CPNE8: variants seen among roughly 807,000 people sequenced by gnomAD.
The protein encoded by CPNE8 is copine 8.
Under a neutral mutation model 81.5 loss-of-function variants are expected in CPNE8, and 45 were observed. The ratio of observed to expected loss-of-function variants is 0.55; its 90% CI spans 0.44 to 0.71. The LOEUF (loss-of-function observed/expected upper bound fraction) is 0.71. CPNE8 is among the 30% of genes least tolerant of loss of function. CPNE8 has a pLI of 0.00. For synonymous variants in CPNE8, 252 were observed against 226.3 expected (o/e 1.11, Z -1.02); for missense variants, 594 against 672.1 (o/e 0.88, Z 1.28).
intron 19 of CPNE8, among the ~76,000 whole-genome samples, chr12:38,665,494 A>G (rs1939042765): frequency 6.6e-6 from 1 of 152,174 alleles, no homozygotes; most frequent in Non-Finnish European, 1.5e-5. Context: ...TGCTTTACCT[A>G]TTCGTAAAAA....
chr12:38,767,376 T>G (rs1365566110), intron 8 of CPNE8, among the ~76,000 whole-genome samples: 1 of 152,100 alleles, frequency 6.6e-6, no homozygotes, highest in Admixed American at 6.5e-5. Flanking sequence ...TCTAAACTAT[T>G]AACTCAATGT....
intron 19 of CPNE8, among the ~76,000 whole-genome samples, chr12:38,659,418 C>T (rs534097854): frequency 1.3e-4 from 20 of 152,218 alleles, no homozygotes; most frequent in African/African-American, 4.1e-4. Context: ...TAGAGACCTA[C>T]GAAGAGACTT....
chr12:38,796,243 T>C lies in CPNE8; in HGVS notation c.408-19942A>G, dbSNP rs567366272. The stretch of plus-strand genomic sequence containing the variant: ...CAGGAGTTGCAGTGAGCCAAGATCG[T>C]GCTACTGCACTCCAGCCTGGGAGAG... On this transcript the variant is annotated intron_variant, in intron 6 of 19. Coordinates refer to ENST00000331366, the MANE Select transcript of CPNE8 (RefSeq NM_153634.3). Among the ~76,000 whole-genome samples the C allele has an allele frequency of 6.6e-5, 10 of 152,086 alleles. No homozygotes were observed. The South Asian group carries it at 1.7e-3, about 25-fold the overall frequency.
At chr12:38,905,824 T>A (rs935417095), upstream of CPNE8, 1 of 985,066 alleles carries the variant, frequency 1.0e-6, no homozygotes, top group Non-Finnish European at 1.2e-6. Flanking sequence ...GGGGACACAC[T>A]CCGTGATCCC....
At chr12:38,845,000 T>C (rs553299861) in intron 4 of CPNE8, among the ~76,000 whole-genome samples, 1 of 152,120 alleles carries the variant, frequency 6.6e-6, no homozygotes, top group South Asian at 2.1e-4. Flanking sequence ...AGGTCATTTT[T>C]GTCACACCCA....
intron 16 of CPNE8, among the ~76,000 whole-genome samples, chr12:38,678,045 A>G (rs1437075985): frequency 6.6e-6 from 1 of 152,118 alleles, no homozygotes; most frequent in African/African-American, 2.4e-5. Context: ...AGCAATAATC[A>G]TAAGTGCTTT....
At chr12:38,742,923 AGTTT>A (rs1259814543) in intron 10 of CPNE8, among the ~76,000 whole-genome samples, 2 of 151,880 alleles carry the variant, frequency 1.3e-5, no homozygotes, top group Non-Finnish European at 2.9e-5. Context: ...TGTTTATAAT[AGTTT>A]ATTTCATGTG....
intron 6 of CPNE8, among the ~76,000 whole-genome samples, chr12:38,811,946 A>G (rs1942945386): frequency 6.6e-6 from 1 of 152,216 alleles, no homozygotes. Context: ...TTGAAGAAAT[A>G]TGGTCCCTAG....
rs1256987178 is a variant in CPNE8, at chr12:38,670,913, A to G, written c.1433-111T>C. Reference sequence around the variant, plus strand: ...AAGTAGCAAAATGTGCTATGAAAAGACAGAAAGCATGTTGATCCCTTCATG... The same window carrying G: ...AAGTAGCAAAATGTGCTATGAAAAGGCAGAAAGCATGTTGATCCCTTCATG... On this transcript the variant is annotated intron_variant, in intron 18 of 19. Coordinates refer to ENST00000331366, the MANE Select transcript of CPNE8 (RefSeq NM_153634.3). 1.7e-5 allele frequency: 12 copies of G among 691,286 alleles called. No homozygotes were observed. In the Admixed American group the frequency reaches 3.3e-4, roughly 19 times the overall value. 42.8% of individuals were successfully genotyped at this position (691,286 alleles called of 1,614,324 possible).
At chr12:38,876,414 T>C (rs1248538354) in intron 1 of CPNE8, among the ~76,000 whole-genome samples, 1 of 152,102 alleles carries the variant, frequency 6.6e-6, no homozygotes, top group African/African-American at 2.4e-5. Context: ...GGTTTCTCCA[T>C]GTTGGTCAGG....
intron 5 of CPNE8, among the ~76,000 whole-genome samples, chr12:38,829,852 C>T (rs1943256138): frequency 6.6e-6 from 1 of 152,152 alleles, no homozygotes; most frequent in African/African-American, 2.4e-5. Context: ...ATCCCAGTAA[C>T]ACTTAGAGAA....
chr12:38,695,138 C>T lies in CPNE8; in HGVS notation c.962-1300G>A, dbSNP rs113077693. On this transcript the variant is annotated intron_variant, in intron 14 of 19. Transcript: ENST00000331366. Reference sequence around the variant, plus strand: ...TTCCTTCCTGACTATAAGACCCTGACCGCTCTTTTCTTACAGCTCTCACTT... The same window carrying T: ...TTCCTTCCTGACTATAAGACCCTGATCGCTCTTTTCTTACAGCTCTCACTT... Among the ~76,000 whole-genome samples, 135 of 152,286 alleles carry T rather than the reference C, an allele frequency of 8.9e-4. 1 individual carries two copies. The highest frequency in any genetic ancestry group is 2.7e-3 in the African/African-American group (111 of 41,554).
chr12:38,679,905 G>A (rs1939373095), intron 16 of CPNE8, among the ~76,000 whole-genome samples: 1 of 151,620 alleles, frequency 6.6e-6, no homozygotes, highest in East Asian at 1.9e-4. Context: ...TTTTCTAGGA[G>A]GTGACACTGA....
At chr12:38,906,597 A>G (rs940120486), upstream of CPNE8, 28 of 985,406 alleles carry the variant, frequency 2.8e-5, no homozygotes, top group Non-Finnish European at 3.3e-5. Context: ...GACGGATAAA[A>G]GCAGAGAGGA....
chr12:38,849,378 T>G (rs1943607428), intron 3 of CPNE8, among the ~76,000 whole-genome samples: 1 of 152,020 alleles, frequency 6.6e-6, no homozygotes, highest in Non-Finnish European at 1.5e-5. Flanking sequence ...AATATAAAAT[T>G]TACATCTCTT....
chr12:38,852,888 C>A (rs1463336245), intron 3 of CPNE8, among the ~76,000 whole-genome samples: 9 of 151,730 alleles, frequency 5.9e-5, no homozygotes, highest in Non-Finnish European at 1.2e-4. Context: ...ATACAGTGTA[C>A]CAGAATGTAA....
At chr12:38,688,623 A>G (rs760619066) in intron 15 of CPNE8, among the ~76,000 whole-genome samples, 7 of 136,248 alleles carry the variant, frequency 5.1e-5, no homozygotes, top group Non-Finnish European at 9.6e-5. Context: ...GTGTGTGTGT[A>G]TACTACAATT....
intron 5 of CPNE8, among the ~76,000 whole-genome samples, chr12:38,830,300 A>C (rs926985326): frequency 3.3e-5 from 5 of 152,194 alleles, no homozygotes; most frequent in African/African-American, 1.2e-4. Flanking sequence ...TTTTTAATTT[A>C]ATTTAATTTA....
chr12:38,882,827 T>A (rs1240102359), intron 1 of CPNE8, among the ~76,000 whole-genome samples: 1 of 152,202 alleles, frequency 6.6e-6, no homozygotes, highest in Non-Finnish European at 1.5e-5. Flanking sequence ...TCAGATTCTT[T>A]GCAGTCCCTC....
Sources: gnomAD v4.1 joint callset for allele counts (sites outside exome capture counted in the v4.1 genomes callset) on GRCh38, gnomAD v4.1.1 for gene constraint, MANE v1.5 for transcripts, NCBI Gene and HGNC (gene_info 2026-07-23, HGNC 2026-07-21) for gene names.